The following FSIP2 variants were observed in gnomAD, a reference collection of about 807,000 sequenced individuals.
FSIP2 encodes the protein fibrous sheath-interacting protein 2.
Under a neutral mutation model 510.5 loss-of-function variants are expected in FSIP2, and 367 were observed. That is an observed-to-expected ratio of 0.72 (90% CI 0.66 to 0.78). The LOEUF is 0.78. FSIP2 is among the 30% of genes least tolerant of loss of function. FSIP2 has a pLI of 0.00. For missense variants in FSIP2, 7,594 were observed against 7,901.7 expected, an observed-to-expected ratio of 0.96 and a Z score of 1.48; for synonymous variants, 2,601 against 2,732.2, an observed-to-expected ratio of 0.95 and a Z score of 1.50.
chr2:185,782,769 A>C lies in FSIP2; in HGVS notation c.1469+7A>C. ...CTCCTGTTTACACAAATATGTAAGT[A>C]CCTAAGGAATTATATATAATCATAA... is the stretch of plus-strand genomic sequence containing the variant. On this transcript the variant is annotated splice_region_variant and intron_variant, in intron 14 of 22. Coordinates refer to ENST00000424728, the MANE Select transcript of FSIP2 (RefSeq NM_173651.4). The C allele has an allele frequency of 7.2e-6, 10 of 1,390,488 alleles. No homozygotes were observed. In the Middle Eastern group the frequency reaches 1.9e-3, roughly 263 times the overall value. The allele number at this position is 1,390,488 out of a possible 1,614,324, so 86.1% of individuals were successfully genotyped here.
rs566254957 is a variant in FSIP2 at position 185,797,189 on chromosome 2, G to A, written c.10053G>A (p.Glu3351=). The change falls in exon 16 of 23, where the codon GAG becomes GAA. Residue 3351 remains glutamate (E), a synonymous_variant. Coordinates refer to ENST00000424728, the MANE Select transcript of FSIP2 (RefSeq NM_173651.4). ...CGFPSQPHTN[E]NREIMKPFFI... ...TTCCAAGTCAACCACACACTAATGA[G>A]AACAGGGAAATAATGAAACCATTTT... 143 of 1,534,954 alleles carry A rather than the reference G, an allele frequency of 9.3e-5. No homozygotes were observed. In the African/African-American group the frequency reaches 1.5e-3, roughly 16 times the overall value.
chr2:185,803,963 G>A lies in FSIP2; in HGVS notation c.14657G>A (p.Ser4886Asn), dbSNP rs1246837572. 4.0e-6 allele frequency: 6 copies of A among 1,504,608 alleles called. No homozygotes were observed. In the African/African-American group the frequency reaches 7.0e-5, roughly 18 times the overall value. The allele number at this position is 1,504,608 out of a possible 1,614,324, so 93.2% of individuals were successfully genotyped here. A position where few individuals can be genotyped will look rare whatever the true frequency, so the allele number is the denominator to read the frequency against. The change falls in exon 17 of 23, where the codon AGC becomes AAC. Residue 4886 changes from serine (S) to asparagine (N), a missense_variant. By Grantham distance (46) the Ser-to-Asn change is conservative. Coordinates refer to ENST00000424728, the MANE Select transcript of FSIP2 (RefSeq NM_173651.4). ...CAGTCCATTACAAAAGATAAAAAGA[G>A]CATAAGTGACATACCTGTTTCAAAA... The part of the protein sequence containing the change: ...IYQSITKDKK[S>N]ISDIPVSKIA...
chr2:185,742,897 G>A (rs1048013841), intron 2 of FSIP2, among the ~76,000 whole-genome samples: 2 of 152,070 alleles, frequency 1.3e-5, no homozygotes, highest in Non-Finnish European at 2.9e-5. Flanking sequence ...GGGCTGAAGA[G>A]GATTAGAGGA....
Position 185,809,207 on chromosome 2 carries a change from T to C in FSIP2, c.19827+74T>C. 5 of 1,470,350 alleles carry C rather than the reference T, an allele frequency of 3.4e-6. No homozygotes were observed. The South Asian group carries it at 5.9e-5, about 17-fold the overall frequency. 91.1% of individuals were successfully genotyped at this position (1,470,350 alleles called of 1,614,324 possible). ...TTCTTCTGTGATTTCCTTCCTCAAA[T>C]AAGTATATGGAAATGCATTCATTGT... On this transcript the variant is annotated intron_variant, in intron 17 of 22. Coordinates refer to ENST00000424728, the MANE Select transcript of FSIP2 (RefSeq NM_173651.4).
intron 15 of FSIP2, among the ~76,000 whole-genome samples, chr2:185,786,928 T>C (rs1275375030): frequency 2.0e-5 from 3 of 151,810 alleles, no homozygotes; most frequent in African/African-American, 7.2e-5. Flanking sequence ...AATGTTGTAA[T>C]AGAAAGCAAT....
intron 7 of FSIP2, among the ~76,000 whole-genome samples, chr2:185,753,359 T>G (rs1417006789): frequency 6.6e-6 from 1 of 151,408 alleles, no homozygotes; most frequent in Non-Finnish European, 1.5e-5. Context: ...TACTATATTA[T>G]GTTTACCTCT....
In FSIP2 at chr2:185,804,300, A is replaced by C. The variant is rs1165051424; in HGVS notation, c.14994A>C (p.Thr4998=). 1.1e-5 allele frequency: 17 copies of C among 1,518,436 alleles called. No homozygotes were observed. Among genetic ancestry groups the C allele is most frequent in the Middle Eastern group, 1.7e-4 (1 of 5,922 alleles). 94.1% of individuals were successfully genotyped at this position (1,518,436 alleles called of 1,614,324 possible). Reference sequence around the variant, plus strand: ...ATTCAATTGTTCTGGAGTTCACCACATCAGAGATTTTAGTTGCAGATAACT... The same window carrying C: ...ATTCAATTGTTCTGGAGTTCACCACCTCAGAGATTTTAGTTGCAGATAACT... ...LVNSIVLEFT[T]SEILVADNFD... Residue 4998 remains threonine (T), a synonymous_variant, in exon 17 of 23, where the codon ACA becomes ACC. Coordinates refer to ENST00000424728, the MANE Select transcript of FSIP2 (RefSeq NM_173651.4).
At position 185,804,824 on chromosome 2, in the gene FSIP2, C is replaced by T; in HGVS notation, c.15518C>T (p.Ser5173Phe). ...ATTTCTGAACATGAGATTCGACTTT[C>T]CATGGCAGAGGATAATGCAGAAAGT... ...KEISEHEIRL[S>F]MAEDNAESMQ... Residue 5173 changes from serine to phenylalanine, a missense_variant, in exon 17 of 23, where the codon TCC (serine) becomes TTC (phenylalanine). Coordinates refer to ENST00000424728, the MANE Select transcript of FSIP2 (RefSeq NM_173651.4). 2.0e-6 allele frequency: 3 copies of T among 1,532,710 alleles called. No homozygotes were observed. The highest frequency in any genetic ancestry group is 2.6e-6 in the Non-Finnish European group (3 of 1,144,808). 94.9% of individuals were successfully genotyped at this position (1,532,710 alleles called of 1,614,324 possible).
Position 185,803,028 on chromosome 2 carries a change from T to A in FSIP2, c.13722T>A (p.Asp4574Glu), listed in dbSNP as rs992361136. The A allele has an allele frequency of 6.5e-7, 1 of 1,527,172 alleles. No individual in the cohort carries two copies. Among genetic ancestry groups the A allele is most frequent in the Admixed American group, 2.0e-5 (1 of 49,494 alleles). 94.6% of individuals were successfully genotyped at this position (1,527,172 alleles called of 1,614,324 possible). ...NITSSNDILI[D>E]RIAGFIIKHI... Reference sequence around the variant, plus strand: ...CAAGCAGTAATGACATTCTTATAGATAGAATAGCAGGTTTCATCATTAAAC... The same window carrying A: ...CAAGCAGTAATGACATTCTTATAGAAAGAATAGCAGGTTTCATCATTAAAC... The change falls in exon 17 of 23, where the codon GAT (aspartate) becomes GAA (glutamate). Residue 4574 changes from aspartate (D) to glutamate (E), a missense_variant. Asp to Glu is a conservative substitution (Grantham distance 45). Coordinates refer to ENST00000424728, the MANE Select transcript of FSIP2 (RefSeq NM_173651.4).
In FSIP2 at chr2:185,807,264, G is replaced by C; in HGVS notation, c.17958G>C (p.Lys5986Asn). The C allele has an allele frequency of 6.2e-7, 1 of 1,612,520 alleles. No individual in the cohort carries two copies. The highest frequency in any genetic ancestry group is 8.5e-7 in the Non-Finnish European group (1 of 1,179,150). The change falls in exon 17 of 23, where the codon AAG (lysine) becomes AAC (asparagine). Residue 5986 changes from lysine to asparagine, a missense_variant. By Grantham distance (94) the Lys-to-Asn change is moderately conservative (BLOSUM62 0). Transcript: ENST00000424728. ...LPLESKDVVKKVQKLAQTASK... is the reference protein window; with the variant it reads ...LPLESKDVVKNVQKLAQTASK... ...TGGAATCTAAGGATGTTGTTAAAAA[G>C]GTCCAAAAGTTGGCCCAAACAGCCA...
chr2:185,798,063 G>A (rs1188761862), intron 16 of FSIP2, among the ~76,000 whole-genome samples: 2 of 151,830 alleles, frequency 1.3e-5, no homozygotes, highest in Non-Finnish European at 2.9e-5. Context: ...TGAATTTGAA[G>A]GATGTGTTGC....
chr2:185,746,929 AC>A, intron 6 of FSIP2, 119 bp downstream of exon 6: 1 of 748,654 alleles, frequency 1.3e-6, no homozygotes, highest in Non-Finnish European at 2.0e-6. Context: ...ATAATTTGTT[AC>A]CATTAAATTT....
rs1415926541 is a variant in FSIP2, at chr2:185,797,040, G to C, written c.9904G>C (p.Val3302Leu). The C allele has an allele frequency of 1.3e-6, 2 of 1,535,156 alleles. No homozygotes were observed. Among genetic ancestry groups the C allele is most frequent in the South Asian group, 1.2e-5 (1 of 84,038 alleles). ...AATGGGAAAAGGTGAAAATCTAAGA[G>C]TGTTTCATTATGAGAACCTAAAACC... The part of the protein sequence containing the change: ...IEMGKGENLR[V>L]FHYENLKPVV... Residue 3302 changes from valine (V) to leucine (L), a missense_variant, in exon 16 of 23, where the codon GTG becomes CTG. By Grantham distance (32) the Val-to-Leu change is conservative. Transcript: ENST00000424728.
rs770391167 is a variant in FSIP2 at position 185,806,167 on chromosome 2, A to G, written c.16861A>G (p.Lys5621Glu). 5 of 1,583,316 alleles carry G rather than the reference A, an allele frequency of 3.2e-6. No individual in the cohort carries two copies. The East Asian group carries it at 8.9e-5, about 28-fold the overall frequency. ...KIDNARESSF[K>E]KDDKLFQLSS... ...TGACAATGCAAGGGAAAGCTCATTT[A>G]AAAAAGATGACAAGCTCTTTCAGTT... The change falls in exon 17 of 23, where the codon AAA (lysine) becomes GAA (glutamate). Residue 5621 changes from lysine to glutamate, a missense_variant. By Grantham distance (56) the Lys-to-Glu change is moderately conservative. Transcript: ENST00000424728.
chr2:185,780,789 A>G (rs549803036), intron 13 of FSIP2, among the ~76,000 whole-genome samples: 3 of 152,194 alleles, frequency 2.0e-5, no homozygotes, highest in Non-Finnish European at 2.9e-5. Flanking sequence ...TGGGGATTCA[A>G]TAATATTTGG....
intron 20 of FSIP2, among the ~76,000 whole-genome samples, chr2:185,827,928 T>A (rs567526543): frequency 6.6e-6 from 1 of 151,988 alleles, no homozygotes; most frequent in African/African-American, 2.4e-5. Context: ...TCATCTGTCA[T>A]AATTTCTAAA....
rs1399398204 is a variant in FSIP2 at position 185,800,879 on chromosome 2, G to A, written c.11573G>A (p.Ser3858Asn). 1 of 1,534,054 alleles carries A rather than the reference G, an allele frequency of 6.5e-7. No individual in the cohort carries two copies. The highest frequency in any genetic ancestry group is 1.2e-5 in the South Asian group (1 of 83,966). Residue 3858 changes from serine to asparagine, a missense_variant, in exon 17 of 23, where the codon AGC becomes AAC. Transcript: ENST00000424728. ...VKSLMDKLSH[S>N]IQQAPESLPF... ...TCATTGATGGACAAATTATCTCACA[G>A]CATACAACAAGCTCCGGAAAGTCTA... is the stretch of plus-strand genomic sequence containing the variant.
rs185155828 is a variant in FSIP2 at position 185,741,157 on chromosome 2, C to G, written c.225+1686C>G. 2.1e-3 allele frequency among the ~76,000 whole-genome samples: 322 copies of G among 152,208 alleles called. 7 individuals are homozygous for G. Among genetic ancestry groups the G allele is most frequent in the Admixed American group, 0.02 (298 of 15,282 alleles). ...TTAGAACTGTGGCTTTTGTCTCCTCCCTTAAATATATTATTTTACTCTATT... is the reference window on the plus strand; with the variant it reads ...TTAGAACTGTGGCTTTTGTCTCCTCGCTTAAATATATTATTTTACTCTATT... On this transcript the variant is annotated intron_variant, in intron 2 of 22. Coordinates refer to ENST00000424728, the MANE Select transcript of FSIP2 (RefSeq NM_173651.4).
At chr2:185,818,222 G>C (rs938520931) in intron 19 of FSIP2, among the ~76,000 whole-genome samples, 1 of 151,758 alleles carries the variant, frequency 6.6e-6, no homozygotes, top group African/African-American at 2.4e-5. Flanking sequence ...AACTTGGAGA[G>C]ACAGAAGAAA....
Sources: gnomAD v4.1 joint callset for allele counts (sites outside exome capture counted in the v4.1 genomes callset) on GRCh38, gnomAD v4.1.1 for gene constraint, MANE v1.5 for transcripts, NCBI Gene and HGNC (gene_info 2026-07-23, HGNC 2026-07-21) for gene names.